Variants in ATP8B1 observed in about 807,000 individuals in gnomAD.
The protein encoded by ATP8B1 is ATPase phospholipid transporting 8B1, also known as phospholipid-transporting ATPase IC.
In ATP8B1, 80 loss-of-function variants were observed where a neutral mutation model predicts 149.9. That is an observed-to-expected ratio of 0.53 (90% CI 0.45 to 0.64). The LOEUF is 0.64. Ranked by LOEUF, ATP8B1 falls within the 30% of genes least tolerant of loss-of-function variation. ATP8B1 has a pLI of 0.00. For missense variants in ATP8B1, 1,247 were observed against 1,552.6 expected, an observed-to-expected ratio of 0.80 and a Z score of 3.31; for synonymous variants, 536 against 562.8, an observed-to-expected ratio of 0.95 and a Z score of 0.67.
At chr18:57,686,352 T>C (rs1005919472) in intron 13 of ATP8B1, among the ~76,000 whole-genome samples, 2 of 152,040 alleles carry the variant, frequency 1.3e-5, no homozygotes, top group Non-Finnish European at 2.9e-5. Context: ...TTTGATTTTT[T>C]TGAGTCAGGG....
At chr18:57,699,170 A>G (rs944543141) in intron 6 of ATP8B1, among the ~76,000 whole-genome samples, 1 of 152,242 alleles carries the variant, frequency 6.6e-6, no homozygotes, top group Non-Finnish European at 1.5e-5. Context: ...TTATGTGTCA[A>G]CACTGAGGAA....
chr18:57,717,453 C>T (rs919990555), intron 2 of ATP8B1, among the ~76,000 whole-genome samples: 2 of 140,684 alleles, frequency 1.4e-5, no homozygotes, highest in Non-Finnish European at 1.5e-5. Context: ...GAGGCTGAGG[C>T]AGGAGAATGG....
At chr18:57,680,633 C>T (rs1252257985) in intron 15 of ATP8B1, among the ~76,000 whole-genome samples, 7 of 149,790 alleles carry the variant, frequency 4.7e-5, no homozygotes, top group African/African-American at 1.7e-4. Flanking sequence ...AAACCACACA[C>T]GCTCACAAAA....
intron 1 of ATP8B1, among the ~76,000 whole-genome samples, chr18:57,757,000 T>A (rs1035098072): frequency 8.7e-6 from 1 of 114,336 alleles, no homozygotes. Context: ...GATTCTCCCC[T>A]GATCCAGTCT....
At chr18:57,722,098 G>A (rs1443693623) in intron 2 of ATP8B1, among the ~76,000 whole-genome samples, 1 of 145,058 alleles carries the variant, frequency 6.9e-6, no homozygotes, top group African/African-American at 2.6e-5. Context: ...ATTCAAAGCA[G>A]TGTGTAGAGG....
At chr18:57,756,291 G>GTATATATATATA (rs1250184376) in intron 1 of ATP8B1, among the ~76,000 whole-genome samples, 1 of 27,148 alleles carries the variant, frequency 3.7e-5, no homozygotes, top group African/African-American at 2.0e-4. Context: ...ATATATATGT[G>GTATATATATATA]TGTGTGTATG....
Position 57,669,318 on chromosome 18 carries a change from A to C in ATP8B1, c.2097T>G (p.Ile699Met), listed in dbSNP as rs759478541. The C allele has an allele frequency of 7.5e-6, 12 of 1,598,306 alleles. No individual in the cohort carries two copies. The highest frequency in any genetic ancestry group is 1.0e-5 in the Non-Finnish European group (12 of 1,174,986). ...KVYEEIEKDLILLGATAIEDK... is the reference protein window; with the variant it reads ...KVYEEIEKDLMLLGATAIEDK... ...AAAAGTTATTAAGGCTAAAACTCAC[A>C]ATTAAGTCTTTTTCAATCTCCTCAT... The change falls in exon 18 of 28, where the codon ATT becomes ATG. Residue 699 changes from isoleucine to methionine, a missense_variant and splice_region_variant. Coordinates refer to ENST00000648908, the MANE Select transcript of ATP8B1 (RefSeq NM_001374385.1).
At chr18:57,781,448 A>G (rs1164866849) in intron 1 of ATP8B1, among the ~76,000 whole-genome samples, 1 of 152,192 alleles carries the variant, frequency 6.6e-6, no homozygotes, top group African/African-American at 2.4e-5. Flanking sequence ...AATATCCAAA[A>G]TTCTTTATTT....
chr18:57,713,199 C>CT (rs748974327), intron 2 of ATP8B1, among the ~76,000 whole-genome samples: 3 of 64,070 alleles, frequency 4.7e-5, no homozygotes, highest in African/African-American at 1.1e-4. Flanking sequence ...TTCTTTCTTT[C>CT]CTTCCTTCCT....
rs1268698870 is a variant in ATP8B1, at chr18:57,802,718, A to C, written c.-26+280T>G. ...CCGATCGAAGAACCCAAACACCCCG[A>C]GATTTCCCTCCTCTAGGCAGGTGAA... On this transcript the variant is annotated intron_variant, in intron 1 of 27. Transcript: ENST00000648908. This position sits in a 1 kb window ranked among gnomAD's most constrained non-coding sequence, Gnocchi z 4.9. Among the ~76,000 whole-genome samples, 1 of 152,118 alleles carries C rather than the reference A, an allele frequency of 6.6e-6. No individual in the cohort carries two copies. The highest frequency in any genetic ancestry group is 2.4e-5 in the African/African-American group (1 of 41,416).
At chr18:57,796,790 G>T (rs1040045960) in intron 1 of ATP8B1, among the ~76,000 whole-genome samples, 1 of 152,144 alleles carries the variant, frequency 6.6e-6, no homozygotes, top group African/African-American at 2.4e-5. Flanking sequence ...GGATTCAAGC[G>T]ATTCTCCTGC....
chr18:57,769,852 G>A (rs2080249759), intron 1 of ATP8B1, among the ~76,000 whole-genome samples: 1 of 152,184 alleles, frequency 6.6e-6, no homozygotes, highest in African/African-American at 2.4e-5. Flanking sequence ...AATGCTATGT[G>A]TCAAGTACCA....
At position 57,676,880 on chromosome 18, in the gene ATP8B1, C is replaced by T. The variant is rs544524734; in HGVS notation, c.1631-1858G>A. On this transcript the variant is annotated intron_variant, in intron 15 of 27. Coordinates refer to ENST00000648908, the MANE Select transcript of ATP8B1 (RefSeq NM_001374385.1). Reference sequence around the variant, plus strand: ...AATAAGAATAAGCTAGGTTCAGTGGCACGTGCCTATAATTGCAACTATTCA... The same window carrying T: ...AATAAGAATAAGCTAGGTTCAGTGGTACGTGCCTATAATTGCAACTATTCA... Among the ~76,000 whole-genome samples, 19 of 152,202 alleles carry T rather than the reference C, an allele frequency of 1.2e-4. No homozygotes were observed. In the East Asian group the frequency reaches 3.5e-3, roughly 28 times the overall value.
chr18:57,801,514 G>A (rs1470822215), intron 1 of ATP8B1, among the ~76,000 whole-genome samples: 1 of 152,266 alleles, frequency 6.6e-6, no homozygotes, highest in East Asian at 1.9e-4. Flanking sequence ...CGGCATCTTA[G>A]GTCTAACACA....
intron 22 of ATP8B1, among the ~76,000 whole-genome samples, chr18:57,657,010 A>G (rs935359127): frequency 2.0e-4 from 30 of 151,994 alleles, no homozygotes; most frequent in Non-Finnish European, 2.8e-4. Flanking sequence ...TTTAAGTTAC[A>G]GGATACCTGT....
intron 16 of ATP8B1, among the ~76,000 whole-genome samples, chr18:57,672,866 CAAAA>C (rs869293441): frequency 8.9e-5 from 3 of 33,700 alleles, no homozygotes; most frequent in African/African-American, 2.4e-4. Flanking sequence ...AACTCTGTCT[CAAAA>C]AAAAAAAAAA....
At position 57,731,963 on chromosome 18, in the gene ATP8B1, C is replaced by A. The variant is rs2079770228; in HGVS notation, c.-25-131G>T. The A allele has an allele frequency of 5.7e-6, 5 of 872,866 alleles. No homozygotes were observed. The African/African-American group carries it at 8.3e-5, about 15-fold the overall frequency. The allele number at this position is 872,866 out of a possible 1,614,324, so 54.1% of individuals were successfully genotyped here. On this transcript the variant is annotated intron_variant, in intron 1 of 27. Coordinates refer to ENST00000648908, the MANE Select transcript of ATP8B1 (RefSeq NM_001374385.1). Reference sequence around the variant, plus strand: ...CATGTAAATATTCTGGAATAGTACCCCCAAATTCAACTTGACATGAAGACA... The same window carrying A: ...CATGTAAATATTCTGGAATAGTACCACCAAATTCAACTTGACATGAAGACA...
intron 1 of ATP8B1, among the ~76,000 whole-genome samples, chr18:57,777,755 A>T (rs368247193): frequency 6.6e-6 from 1 of 152,244 alleles, no homozygotes; most frequent in African/African-American, 2.4e-5. Context: ...GTTTTTGTAC[A>T]GACAGGGTTT....
intron 12 of ATP8B1, among the ~76,000 whole-genome samples, chr18:57,690,553 T>A (rs1912480537): frequency 6.6e-6 from 1 of 152,268 alleles, no homozygotes; most frequent in South Asian, 2.1e-4. Flanking sequence ...AAATTATCTA[T>A]GTAATAGTTC....
Sources: allele counts gnomAD v4.1 joint callset (sites outside exome capture counted in the v4.1 genomes callset), GRCh38; gene constraint gnomAD v4.1.1; non-coding constraint Gnocchi (gnomAD v3.1); transcripts MANE v1.5; gene names NCBI Gene and HGNC (gene_info 2026-07-23, HGNC 2026-07-21).